The following IQGAP1 variants were observed in gnomAD, a reference collection of about 807,000 sequenced individuals.
The protein encoded by IQGAP1 is IQ motif containing GTPase activating protein 1, also known as ras GTPase-activating-like protein IQGAP1.
In IQGAP1, 66 loss-of-function variants were observed where a neutral mutation model predicts 215.6. The ratio of observed to expected loss-of-function variants is 0.31; its 90% CI spans 0.25 to 0.38. The LOEUF (loss-of-function observed/expected upper bound fraction) is 0.38. Among genes scored for constraint, IQGAP1 ranks in the 10% least tolerant of loss-of-function variants. IQGAP1 has a pLI of 1.00. For missense variants in IQGAP1, 1,712 were observed against 1,997.1 expected, an observed-to-expected ratio of 0.86 and a Z score of 2.72; for synonymous variants, 772 against 728.7, an observed-to-expected ratio of 1.06 and a Z score of -0.96.
chr15:90,393,810 G>A (rs1964672509), intron 2 of IQGAP1: 1 of 152,086 alleles, frequency 6.6e-6, no homozygotes, highest in Admixed American at 6.6e-5. Context: ...ATCCCCTGAG[G>A]TGTTTTTTTG....
At chr15:90,398,932 G>A (rs532637847) in intron 2 of IQGAP1, among the ~76,000 whole-genome samples, 2 of 150,754 alleles carry the variant, frequency 1.3e-5, no homozygotes, top group East Asian at 1.9e-4. Flanking sequence ...CTGGAACTGG[G>A]AGGTGGAGGT....
intron 18 of IQGAP1, among the ~76,000 whole-genome samples, chr15:90,468,874 A>G (rs183725349): frequency 8.5e-5 from 13 of 152,130 alleles, no homozygotes; most frequent in African/African-American, 1.2e-4. Context: ...CTCCAAGCAC[A>G]CCCATCTCAA....
chr15:90,449,021 C>G (rs1567129934), intron 10 of IQGAP1, among the ~76,000 whole-genome samples: 1 of 152,122 alleles, frequency 6.6e-6, no homozygotes, highest in African/African-American at 2.4e-5. Flanking sequence ...AACTAAAAGA[C>G]ATTGGGGAAA....
chr15:90,497,026 G>C (rs565141629), intron 36 of IQGAP1: 1 of 440,370 alleles, frequency 2.3e-6, no homozygotes, highest in African/African-American at 2.0e-5. Context: ...GCAGAGAGAG[G>C]TTGCCATTCC....
intron 2 of IQGAP1, among the ~76,000 whole-genome samples, chr15:90,411,345 C>G (rs1033096821): frequency 1.1e-4 from 17 of 151,754 alleles, no homozygotes; most frequent in African/African-American, 3.9e-4. Flanking sequence ...GTGGTGTGAT[C>G]TGGGCTCACT....
chr15:90,464,005 G>A (rs1308009863), intron 15 of IQGAP1, among the ~76,000 whole-genome samples: 2 of 152,262 alleles, frequency 1.3e-5, no homozygotes, highest in East Asian at 1.9e-4. Context: ...GCAGTGAAAC[G>A]TTTCACTTTG....
intron 2 of IQGAP1, among the ~76,000 whole-genome samples, chr15:90,392,748 CTT>C (rs10701656): frequency 9.3e-5 from 11 of 117,802 alleles, no homozygotes; most frequent in Middle Eastern, 4.9e-3. Flanking sequence ...ATGTTTCTAT[CTT>C]TTTTTTTTTT....
intron 2 of IQGAP1, among the ~76,000 whole-genome samples, chr15:90,410,215 C>A (rs1315652728): frequency 8.5e-5 from 13 of 152,136 alleles, no homozygotes; most frequent in Admixed American, 8.5e-4. Flanking sequence ...GACATGAAGT[C>A]CTTGCCCATG....
intron 15 of IQGAP1, among the ~76,000 whole-genome samples, chr15:90,461,167 G>A (rs1026006608): frequency 3.3e-5 from 5 of 151,904 alleles, no homozygotes; most frequent in Non-Finnish European, 7.4e-5. Flanking sequence ...AATTAGCCAG[G>A]CGTGGTGGCA....
At chr15:90,489,850 C>G (rs1196803280) in intron 33 of IQGAP1, among the ~76,000 whole-genome samples, 1 of 152,192 alleles carries the variant, frequency 6.6e-6, no homozygotes, top group Non-Finnish European at 1.5e-5. Flanking sequence ...GTTTGGTGCT[C>G]TCACCTCTGT....
chr15:90,497,313 A>G lies in IQGAP1; in HGVS notation c.4833A>G (p.Gln1611=). ...FEVKAKFMGV[Q]METFMLHYQD... The stretch of plus-strand genomic sequence containing the variant: ...TGAAAGCCAAATTCATGGGAGTTCA[A>G]ATGGAGACTTTTATGTTACATTATC... Residue 1611 remains glutamine (Q), a synonymous_variant, in exon 37 of 38, where the codon CAA becomes CAG. Transcript: ENST00000268182. 1.9e-6 allele frequency: 3 copies of G among 1,605,676 alleles called. No homozygotes were observed. Among genetic ancestry groups the G allele is most frequent in the Non-Finnish European group, 2.6e-6 (3 of 1,172,400 alleles).
chr15:90,462,929 T>A (rs766071584), intron 15 of IQGAP1, among the ~76,000 whole-genome samples: 14 of 152,218 alleles, frequency 9.2e-5, no homozygotes, highest in African/African-American at 1.4e-4. Flanking sequence ...GCTTTAACAC[T>A]CTGCTCAGTC....
At position 90,461,985 on chromosome 15, in the gene IQGAP1, A is replaced by C. The variant is rs545714224; in HGVS notation, c.1777-4016A>C. On this transcript the variant is annotated intron_variant, in intron 15 of 37. Transcript: ENST00000268182. ...AAACCCCATCTCTACTAAAAACACA[A>C]AAAAAAAAAAAAAAGAAAAAAAAAA... Among the ~76,000 whole-genome samples the C allele has an allele frequency of 0.025, 200 of 8,134 alleles. 1 individual carries two copies. The East Asian group carries it at 0.28, about 11-fold the overall frequency. The allele number at this position is 8,134 out of a possible 152,430, so 5.3% of individuals were successfully genotyped here. A position where few individuals can be genotyped will look rare whatever the true frequency, so the allele number is the denominator to read the frequency against.
chr15:90,497,259 T>C lies in IQGAP1; in HGVS notation c.4779T>C (p.Ser1593=). ...NQFKNVIFEI[S]PTEEVGDFEV... ...TTAAAAATGTTATATTTGAAATCAG[T>C]CCAACAGAAGAAGTTGGAGACTTCG... Residue 1593 remains serine, a synonymous_variant, in exon 37 of 38, where the codon AGT becomes AGC. Transcript: ENST00000268182. The C allele has an allele frequency of 6.2e-7, 1 of 1,603,828 alleles. No homozygotes were observed. The highest frequency in any genetic ancestry group is 8.5e-7 in the Non-Finnish European group (1 of 1,170,840).
In IQGAP1 at chr15:90,492,630, A is replaced by C. The variant is rs1415140991; in HGVS notation, c.4547A>C (p.Lys1516Thr). 1 of 1,614,036 alleles carries C rather than the reference A, an allele frequency of 6.2e-7. No homozygotes were observed. Among genetic ancestry groups the C allele is most frequent in the Non-Finnish European group, 8.5e-7 (1 of 1,180,012 alleles). Residue 1516 changes from lysine (K) to threonine (T), a missense_variant, in exon 35 of 38, where the codon AAG becomes ACG. Transcript: ENST00000268182. ...CAGACATACGCTGCTCTGAACTCTA[A>C]GGCCACCTTTTATGGGGAGCAGGTG... Reference protein sequence around the residue: ...LQQTYAALNSKATFYGEQVDY... With the variant: ...LQQTYAALNSTATFYGEQVDY...
chr15:90,421,996 T>G (rs1965144163), intron 2 of IQGAP1, among the ~76,000 whole-genome samples: 1 of 152,216 alleles, frequency 6.6e-6, no homozygotes, highest in African/African-American at 2.4e-5. Flanking sequence ...GTTTTGTGTC[T>G]AAGTTGAGAA....
intron 2 of IQGAP1, chr15:90,393,717 T>G (rs1964670973): frequency 6.6e-6 from 1 of 152,262 alleles, no homozygotes; most frequent in South Asian, 2.1e-4. Flanking sequence ...TCAGCTACTC[T>G]AGAGCGTCTT....
intron 2 of IQGAP1, among the ~76,000 whole-genome samples, chr15:90,421,415 G>A (rs902448826): frequency 2.6e-5 from 4 of 151,314 alleles, no homozygotes; most frequent in Non-Finnish European, 5.9e-5. Flanking sequence ...GACGGAGGTT[G>A]CAGTGAGCTG....
chr15:90,428,461 A>G (rs1345900484), intron 3 of IQGAP1, among the ~76,000 whole-genome samples: 1 of 151,970 alleles, frequency 6.6e-6, no homozygotes, highest in Non-Finnish European at 1.5e-5. Context: ...GTGTAAAAGG[A>G]GAGCGGAGAC....
Sources: gnomAD v4.1 joint callset for allele counts (sites outside exome capture counted in the v4.1 genomes callset) on GRCh38, gnomAD v4.1.1 for gene constraint, MANE v1.5 for transcripts, NCBI Gene and HGNC (gene_info 2026-07-23, HGNC 2026-07-21) for gene names.